UGT1A4: variants seen among roughly 807,000 people sequenced by gnomAD.
UGT1A4 encodes UDP glucuronosyltransferase family 1 member A4.
In UGT1A4, 32 loss-of-function variants were observed where a neutral mutation model predicts 41.1. The ratio of observed to expected loss-of-function variants is 0.78; its 90% CI spans 0.59 to 1.05. The LOEUF is 1.05. UGT1A4 is among the 50% of genes least tolerant of loss of function. UGT1A4 has a pLI of 0.00. For synonymous variants in UGT1A4, 283 were observed against 265.1 expected, an observed-to-expected ratio of 1.07 and a Z score of -0.66; for missense variants, 748 against 677.4, an observed-to-expected ratio of 1.10 and a Z score of -1.16.
chr2:233,729,186 C>G, intron 1 of UGT1A4: 1 of 1,613,952 alleles, frequency 6.2e-7, no homozygotes, highest in Non-Finnish European at 8.5e-7. Flanking sequence ...TGCTTCTCCT[C>G]AGTGTCCAGC....
chr2:233,738,999 G>A (rs907486973), intron 1 of UGT1A4: 14 of 152,246 alleles, frequency 9.2e-5, no homozygotes, highest in African/African-American at 2.7e-4. Flanking sequence ...TTGGTGCCCT[G>A]TGTCCCAGTG....
At chr2:233,741,305 C>T (rs1177807292) in intron 1 of UGT1A4, among the ~76,000 whole-genome samples, 1 of 151,474 alleles carries the variant, frequency 6.6e-6, no homozygotes, top group Non-Finnish European at 1.5e-5. Context: ...TGTGTAGATA[C>T]ACACCAACTC....
At chr2:233,728,836 G>C (rs2077754966) in intron 1 of UGT1A4, among the ~76,000 whole-genome samples, 1 of 152,210 alleles carries the variant, frequency 6.6e-6, no homozygotes, top group Non-Finnish European at 1.5e-5. Flanking sequence ...TCACAGCCTT[G>C]TGTTGGGAAT....
intron 1 of UGT1A4, among the ~76,000 whole-genome samples, chr2:233,734,381 T>A (rs1311461253): frequency 1.3e-5 from 2 of 152,186 alleles, no homozygotes; most frequent in Non-Finnish European, 2.9e-5. Context: ...TTGCCTTTAC[T>A]ATTTTTTATT....
chr2:233,727,904 A>G (rs1312363153), intron 1 of UGT1A4, among the ~76,000 whole-genome samples: 1 of 152,232 alleles, frequency 6.6e-6, no homozygotes, highest in Non-Finnish European at 1.5e-5. Flanking sequence ...CCAGGCAAGA[A>G]GACACAGGGG....
chr2:233,743,289 C>T (rs1692256126), intron 1 of UGT1A4: 3 of 525,668 alleles, frequency 5.7e-6, no homozygotes, highest in Non-Finnish European at 9.9e-6. Flanking sequence ...CTTGGCCATT[C>T]TCAATGATTC....
At chr2:233,751,396 T>C (rs939071089) in intron 1 of UGT1A4, among the ~76,000 whole-genome samples, 1 of 152,154 alleles carries the variant, frequency 6.6e-6, no homozygotes, top group African/African-American at 2.4e-5. Context: ...CAGATAAGAC[T>C]TTGGACTATG....
rs571818278 is a variant in UGT1A4, at chr2:233,740,159, T to C, written c.867+20472T>C. Among the ~76,000 whole-genome samples, 52 of 151,986 alleles carry C rather than the reference T, an allele frequency of 3.4e-4. 1 individual carries two copies. Among genetic ancestry groups the C allele is most frequent in the African/African-American group, 1.2e-3 (48 of 41,236 alleles). On this transcript the variant is annotated intron_variant, in intron 1 of 4. Coordinates refer to ENST00000373409, the MANE Select transcript of UGT1A4 (RefSeq NM_007120.3). ...TGTAAGTTTCCTGAGGCCTCCCCAG[T>C]CATGTGGAACTGTGAGTCAATTAAA...
chr2:233,752,703 T>C (rs538720487), intron 1 of UGT1A4, among the ~76,000 whole-genome samples: 5 of 152,298 alleles, frequency 3.3e-5, no homozygotes, highest in African/African-American at 7.2e-5. Context: ...TAGTGGGGTA[T>C]GATCTTGCCT....
intron 1 of UGT1A4, among the ~76,000 whole-genome samples, chr2:233,762,146 C>G (rs541150164): frequency 2.2e-4 from 33 of 152,272 alleles, no homozygotes; most frequent in Admixed American, 4.6e-4. Context: ...TGTGACTTTG[C>G]ATTAATCACA....
At chr2:233,764,663 C>T (rs4148325) in intron 1 of UGT1A4, among the ~76,000 whole-genome samples, 54,844 of 151,792 alleles carry the variant, frequency 0.36, 10,318 homozygotes, top group African/African-American at 0.45. Flanking sequence ...CATTTACCAA[C>T]GCTCAGAAGA....
intron 1 of UGT1A4, chr2:233,755,174 G>T (rs868590389): frequency 1.1e-5 from 14 of 1,248,736 alleles, no homozygotes; most frequent in Middle Eastern, 4.4e-4. Flanking sequence ...GGTTTTTGTC[G>T]GGGTGCCACT....
intron 1 of UGT1A4, among the ~76,000 whole-genome samples, chr2:233,724,444 A>C (rs1289954419): frequency 6.8e-4 from 46 of 67,350 alleles, no homozygotes; most frequent in South Asian, 1.5e-3. Context: ...CTTCTCAGAC[A>C]GGGCAGCTGC....
intron 1 of UGT1A4, among the ~76,000 whole-genome samples, chr2:233,725,216 A>C (rs1559370373): frequency 4.4e-5 from 2 of 45,274 alleles, no homozygotes; most frequent in African/African-American, 2.5e-4. Flanking sequence ...AGGCAGAGGC[A>C]GAGGAGGCAG....
At chr2:233,741,729 C>T (rs1433169561) in intron 1 of UGT1A4, 1 of 151,846 alleles carries the variant, frequency 6.6e-6, no homozygotes, top group Admixed American at 6.5e-5. Context: ...CATATCCAAA[C>T]CCATATCACA....
At chr2:233,724,292 C>T (rs1379070155) in intron 1 of UGT1A4, among the ~76,000 whole-genome samples, 3 of 129,054 alleles carry the variant, frequency 2.3e-5, no homozygotes, top group African/African-American at 9.1e-5. Context: ...GGGGGGCTGA[C>T]CCCCCCACCT....
intron 1 of UGT1A4, among the ~76,000 whole-genome samples, chr2:233,724,347 C>T (rs1207944594): frequency 5.4e-5 from 8 of 147,950 alleles, no homozygotes; most frequent in East Asian, 2.1e-4. Flanking sequence ...CTGACCCCCC[C>T]CACCTCCCTC....
chr2:233,731,298 T>TA (rs199583438), intron 1 of UGT1A4, among the ~76,000 whole-genome samples: 1 of 149,198 alleles, frequency 6.7e-6, no homozygotes, highest in Non-Finnish European at 1.5e-5. Context: ...TTTTTTTTTT[T>TA]ATTATACTTT....
Position 233,743,587 on chromosome 2 carries a change from G to A in UGT1A4, c.868-23447G>A, listed in dbSNP as rs375891802. On this transcript the variant is annotated intron_variant, in intron 1 of 4. Transcript: ENST00000373409. ...GCGGGTTTCCCAAGAGGTCAAAGGA[G>A]AATGGGTCCTGGCCGCCGAAGAACT... The A allele has an allele frequency of 8.8e-6, 12 of 1,367,220 alleles. No individual in the cohort carries two copies. In the East Asian group the frequency reaches 1.4e-4, roughly 16 times the overall value. 84.7% of individuals were successfully genotyped at this position (1,367,220 alleles called of 1,614,324 possible).
Sources: allele counts gnomAD v4.1 joint callset (sites outside exome capture counted in the v4.1 genomes callset), GRCh38; gene constraint gnomAD v4.1.1; transcripts MANE v1.5; gene names NCBI Gene and HGNC (gene_info 2026-07-23, HGNC 2026-07-21).